Variants in CDC42SE2 observed in about 807,000 individuals in gnomAD.
The protein encoded by CDC42SE2 is CDC42 small effector protein 2.
CDC42SE2 carries 3 observed loss-of-function variants against 11.5 expected under a neutral mutation model. That is an observed-to-expected ratio of 0.26 (90% CI 0.12 to 0.67). The LOEUF (loss-of-function observed/expected upper bound fraction) is 0.67. Among genes scored for constraint, CDC42SE2 ranks in the 30% least tolerant of loss-of-function variants. CDC42SE2 has a pLI of 0.80. For synonymous variants in CDC42SE2, 33 were observed against 34.8 expected, an observed-to-expected ratio of 0.95 and a Z score of 0.18; for missense variants, 82 against 106.8, an observed-to-expected ratio of 0.77 and a Z score of 1.02.
At chr5:131,351,776 A>G (rs1182093090) in intron 2 of CDC42SE2, among the ~76,000 whole-genome samples, 1 of 152,248 alleles carries the variant, frequency 6.6e-6, no homozygotes, top group Non-Finnish European at 1.5e-5. Flanking sequence ...TATGTGAAAG[A>G]ATTTTTAGAA....
At chr5:131,376,859 T>C (rs1162864877) in intron 3 of CDC42SE2, among the ~76,000 whole-genome samples, 3 of 152,340 alleles carry the variant, frequency 2.0e-5, no homozygotes, top group East Asian at 3.9e-4. Context: ...CCATGGTGTA[T>C]ATGTACCACG....
At chr5:131,302,576 G>A (rs1419713922) in intron 1 of CDC42SE2, among the ~76,000 whole-genome samples, 2 of 151,894 alleles carry the variant, frequency 1.3e-5, no homozygotes, top group African/African-American at 4.8e-5. Flanking sequence ...TCAGCCTCCC[G>A]AAGTTCTGGG....
intron 3 of CDC42SE2, among the ~76,000 whole-genome samples, chr5:131,378,569 T>C (rs1750222069): frequency 6.6e-6 from 1 of 152,224 alleles, no homozygotes; most frequent in Non-Finnish European, 1.5e-5. Context: ...CCAAGAGAAA[T>C]ACCGTACAGA....
intron 1 of CDC42SE2, among the ~76,000 whole-genome samples, chr5:131,283,797 A>T (rs984148693): frequency 3.3e-5 from 5 of 152,082 alleles, no homozygotes; most frequent in African/African-American, 2.4e-5. Flanking sequence ...CAGGCCCATC[A>T]TTCTCTTTTA....
chr5:131,381,987 C>T (rs1409378186), intron 3 of CDC42SE2, among the ~76,000 whole-genome samples: 1 of 152,162 alleles, frequency 6.6e-6, no homozygotes. Flanking sequence ...GCTGAGTTCC[C>T]TCAGCCTTGG....
At chr5:131,350,971 G>T (rs988641979) in intron 2 of CDC42SE2, among the ~76,000 whole-genome samples, 3 of 151,822 alleles carry the variant, frequency 2.0e-5, no homozygotes, top group African/African-American at 7.3e-5. Context: ...TTTTAGAGAG[G>T]GTCTCACTCT....
chr5:131,273,637 G>A (rs1757040160), intron 1 of CDC42SE2, among the ~76,000 whole-genome samples: 1 of 151,438 alleles, frequency 6.6e-6, no homozygotes, highest in South Asian at 2.1e-4. Flanking sequence ...GCCAGGCGTG[G>A]CGGCTGGTGC....
At chr5:131,331,954 G>C (rs1561587218) in intron 2 of CDC42SE2, among the ~76,000 whole-genome samples, 1 of 152,032 alleles carries the variant, frequency 6.6e-6, no homozygotes. Flanking sequence ...CAAAAACCTT[G>C]AACATTTATT....
At chr5:131,303,362 C>T (rs1757720604) in intron 1 of CDC42SE2, among the ~76,000 whole-genome samples, 1 of 152,154 alleles carries the variant, frequency 6.6e-6, no homozygotes, top group African/African-American at 2.4e-5. Flanking sequence ...ACTTATTTTT[C>T]ATTCAATGTC....
intron 2 of CDC42SE2, among the ~76,000 whole-genome samples, chr5:131,338,812 A>G (rs1297687363): frequency 6.6e-6 from 1 of 152,210 alleles, no homozygotes; most frequent in African/African-American, 2.4e-5. Context: ...ATGTACCTAC[A>G]TACCAGTGTG....
At chr5:131,300,487 T>C (rs1561576948) in intron 1 of CDC42SE2, among the ~76,000 whole-genome samples, 1 of 152,130 alleles carries the variant, frequency 6.6e-6, no homozygotes, top group Admixed American at 6.5e-5. Flanking sequence ...GAATGGCCAT[T>C]AATAATTATG....
intron 1 of CDC42SE2, among the ~76,000 whole-genome samples, chr5:131,311,769 C>G (rs898329108): frequency 6.6e-6 from 1 of 152,150 alleles, no homozygotes; most frequent in Non-Finnish European, 1.5e-5. Context: ...TCCCGTAGTT[C>G]TTGAGCTTTG....
intron 1 of CDC42SE2, among the ~76,000 whole-genome samples, chr5:131,247,024 G>A (rs552989119): frequency 1.3e-4 from 20 of 152,124 alleles, no homozygotes; most frequent in African/African-American, 1.7e-4. Context: ...GATTACAAGC[G>A]TGCGCCCCCA....
At chr5:131,343,694 CA>C (rs1305199891) in intron 2 of CDC42SE2, among the ~76,000 whole-genome samples, 1 of 133,810 alleles carries the variant, frequency 7.5e-6, no homozygotes, top group Non-Finnish European at 1.6e-5. Flanking sequence ...GCCTGGGCAA[CA>C]AGAGCTAAAC....
intron 2 of CDC42SE2, among the ~76,000 whole-genome samples, chr5:131,355,778 A>G (rs530058950): frequency 6.6e-6 from 1 of 152,170 alleles, no homozygotes; most frequent in South Asian, 2.1e-4. Context: ...TTTCTTTGGA[A>G]GTTGACCTAA....
At chr5:131,312,346 A>T (rs1006997104) in intron 1 of CDC42SE2, among the ~76,000 whole-genome samples, 3 of 152,028 alleles carry the variant, frequency 2.0e-5, no homozygotes, top group African/African-American at 7.2e-5. Context: ...GCTCTCTTCA[A>T]AGCTGTCAGA....
chr5:131,338,128 ATTAT>A (rs1758621256), intron 2 of CDC42SE2, among the ~76,000 whole-genome samples: 2 of 152,224 alleles, frequency 1.3e-5, no homozygotes, highest in African/African-American at 2.4e-5. Flanking sequence ...TTAAAAAGTT[ATTAT>A]TTAGTAACTG....
At chr5:131,278,056 T>A (rs7719126) in intron 1 of CDC42SE2, among the ~76,000 whole-genome samples, 1 of 151,952 alleles carries the variant, frequency 6.6e-6, no homozygotes. Context: ...TTCAGTGGCA[T>A]GATCAGGACT....
At chr5:131,348,396 T>C (rs2149760038) in intron 2 of CDC42SE2, among the ~76,000 whole-genome samples, 1 of 152,204 alleles carries the variant, frequency 6.6e-6, no homozygotes, top group African/African-American at 2.4e-5. Context: ...TCACACTTGG[T>C]ACAAAGAGAA....
Sources: gnomAD v4.1 joint callset for allele counts (sites outside exome capture counted in the v4.1 genomes callset) on GRCh38, gnomAD v4.1.1 for gene constraint, MANE v1.5 for transcripts, NCBI Gene and HGNC (gene_info 2026-07-23, HGNC 2026-07-21) for gene names.